Variants in ITGB5 observed in about 807,000 individuals in gnomAD.
The protein encoded by ITGB5 is integrin subunit beta 5.
Under a neutral mutation model 84.8 loss-of-function variants are expected in ITGB5, and 38 were observed. That is an observed-to-expected ratio of 0.45 (90% CI 0.35 to 0.59). The LOEUF (loss-of-function observed/expected upper bound fraction) is 0.59, where lower values mean the gene tolerates loss of function less well. Ranked by LOEUF, ITGB5 falls within the 20% of genes least tolerant of loss-of-function variation. The pLI is 0.01. For missense variants in ITGB5, 905 were observed against 1,034.5 expected (o/e 0.87, Z 1.72); for synonymous variants, 393 against 414.4 (o/e 0.95, Z 0.63).
chr3:124,862,268 G>T (rs1310707750), intron 2 of ITGB5: 1 of 152,508 alleles, frequency 6.6e-6, no homozygotes, highest in Non-Finnish European at 1.5e-5. Context: ...AGCATGGTCA[G>T]TTTTTTCAGA....
rs1268834001 is a variant in ITGB5, at chr3:124,887,194, C to G, written c.-194G>C. On this transcript the variant is annotated 5_prime_UTR_variant, in exon 1 of 15. Coordinates refer to ENST00000296181, the MANE Select transcript of ITGB5 (RefSeq NM_002213.5). The stretch of plus-strand genomic sequence containing the variant: ...CGTCCCGCAGCACTCACGGCCGAGT[C>G]CCGGGACCGCGGCTGCCCTGGCTGG... 6.6e-6 allele frequency: 1 copy of G among 152,608 alleles called. No homozygotes were observed. Among genetic ancestry groups the G allele is most frequent in the Non-Finnish European group, 1.5e-5 (1 of 68,942 alleles). The allele number at this position is 152,608 out of a possible 1,614,324, so 9.5% of individuals were successfully genotyped here.
At chr3:124,880,483 C>T (rs527751673) in intron 1 of ITGB5, among the ~76,000 whole-genome samples, 1 of 152,272 alleles carries the variant, frequency 6.6e-6, no homozygotes, top group South Asian at 2.1e-4. Flanking sequence ...GGCACACTGG[C>T]TCACTTCTGT....
intron 10 of ITGB5, 54 bp downstream of exon 10, chr3:124,796,334 C>T: frequency 6.7e-7 from 1 of 1,494,010 alleles, no homozygotes; most frequent in Non-Finnish European, 9.2e-7. Context: ...GGGAGGGTGT[C>T]CTAACGGCAT....
At chr3:124,784,523 C>T (rs2064052570) in intron 10 of ITGB5, among the ~76,000 whole-genome samples, 1 of 152,188 alleles carries the variant, frequency 6.6e-6, no homozygotes, top group Admixed American at 6.5e-5. Context: ...CAAACAAAAT[C>T]AATGCCGATG....
At chr3:124,868,009 T>C (rs1237462630) in intron 2 of ITGB5, among the ~76,000 whole-genome samples, 6 of 152,120 alleles carry the variant, frequency 3.9e-5, no homozygotes. Flanking sequence ...GCTGTTCTCT[T>C]GATGGTGAGT....
chr3:124,843,620 A>AG (rs1395256795), intron 4 of ITGB5, among the ~76,000 whole-genome samples: 2 of 152,210 alleles, frequency 1.3e-5, no homozygotes, highest in East Asian at 3.8e-4. Context: ...AGAGTCACTT[A>AG]GGAAAAGAGC....
chr3:124,763,629 C>T lies in ITGB5; in HGVS notation c.2394G>A (p.Val798=), dbSNP rs150701217. ...NKFNKSYNGT[V]D ...CCCCTCGGAGAAGGAAACATCAGTC[C>T]ACAGTGCCATTGTAGGATTTGTTGA... is the stretch of plus-strand genomic sequence containing the variant. Residue 798 remains valine (V), a synonymous_variant, in exon 15 of 15, where the codon GTG becomes GTA. Coordinates refer to ENST00000296181, the MANE Select transcript of ITGB5 (RefSeq NM_002213.5). 2.0e-5 allele frequency: 32 copies of T among 1,588,484 alleles called. No individual in the cohort carries two copies. In the South Asian group the frequency reaches 2.2e-4, roughly 11 times the overall value.
chr3:124,835,591 A>G (rs2064923795), intron 5 of ITGB5, among the ~76,000 whole-genome samples: 2 of 152,258 alleles, frequency 1.3e-5, no homozygotes, highest in Admixed American at 6.5e-5. Flanking sequence ...CAGCTCACAC[A>G]TGCTGAGACA....
chr3:124,770,967 GGATTCTCTGTCCCTGCCATCT>G (rs1275934311), intron 11 of ITGB5, among the ~76,000 whole-genome samples: 3 of 148,530 alleles, frequency 2.0e-5, no homozygotes, highest in Non-Finnish European at 3.0e-5. Flanking sequence ...CTCCCGGCCA[GGATTCTCTGTCCCTGCCATCT>G]GATTCTCTGT....
At chr3:124,897,260 T>C (rs368701129) in intron 1 of ITGB5, among the ~76,000 whole-genome samples, 1 of 152,196 alleles carries the variant, frequency 6.6e-6, no homozygotes, top group South Asian at 2.1e-4. Flanking sequence ...TTTGTTGTTA[T>C]TGTTGTTTTG....
At chr3:124,891,799 G>A (rs1225502235), upstream of ITGB5, among the ~76,000 whole-genome samples, 1 of 151,880 alleles carries the variant, frequency 6.6e-6, no homozygotes, top group Non-Finnish European at 1.5e-5. Flanking sequence ...TGGCATGCCT[G>A]TAGTCCCAGC....
intron 1 of ITGB5, among the ~76,000 whole-genome samples, chr3:124,881,049 T>G (rs1193712008): frequency 1.3e-5 from 2 of 151,966 alleles, no homozygotes; most frequent in Non-Finnish European, 2.9e-5. Flanking sequence ...GGTGGTGTGA[T>G]CTCAGCTCAC....
In ITGB5 at chr3:124,821,450, C is replaced by A. The variant is rs2064702843; in HGVS notation, c.805G>T (p.Ala269Ser). The A allele has an allele frequency of 3.7e-6, 6 of 1,614,220 alleles. No individual in the cohort carries two copies. Among genetic ancestry groups the A allele is most frequent in the Non-Finnish European group, 5.1e-6 (6 of 1,180,022 alleles). ...CKEKIGWRKDALHLLVFTTDD... is the reference protein window; with the variant it reads ...CKEKIGWRKDSLHLLVFTTDD... ...GTTGTGAACACCAGCAAATGCAGTG[C>A]ATCCTTTCGCCAGCCAATCTTCTCC... is the stretch of plus-strand genomic sequence containing the variant. Residue 269 changes from alanine (A) to serine (S), a missense_variant, in exon 6 of 15, where the codon GCA becomes TCA. By Grantham distance (99) the Ala-to-Ser change is moderately conservative. Around this residue, in one of 3 missense-constraint regions of ITGB5, gnomAD observed 656 missense variants for 734.7 expected, o/e 0.89. Coordinates refer to ENST00000296181, the MANE Select transcript of ITGB5 (RefSeq NM_002213.5).
At chr3:124,767,052 CT>C (rs1339744279) in intron 12 of ITGB5, among the ~76,000 whole-genome samples, 1 of 152,252 alleles carries the variant, frequency 6.6e-6, no homozygotes, top group Non-Finnish European at 1.5e-5. Flanking sequence ...TCACAGTCCC[CT>C]GTCCAGGCAT....
chr3:124,817,540 C>T, intron 8 of ITGB5, 81 bp downstream of exon 8: 1 of 723,872 alleles, frequency 1.4e-6, no homozygotes, highest in Non-Finnish European at 2.3e-6. Context: ...GAACTGCCCA[C>T]CTGAGCCCGC....
chr3:124,883,011 T>C (rs937604132), intron 1 of ITGB5, among the ~76,000 whole-genome samples: 3 of 152,134 alleles, frequency 2.0e-5, no homozygotes, highest in Admixed American at 6.5e-5. Context: ...TTAATCCCAT[T>C]CGAACCGGAA....
At position 124,810,908 on chromosome 3, in the gene ITGB5, T is replaced by TTTTCTTTCTTTCTTTCTTTCTTTCTTTC. The variant is rs10644920; in HGVS notation, c.1129-1780_1129-1753dup. 9.3e-3 allele frequency among the ~76,000 whole-genome samples: 1,389 copies of TTTTCTTTCTTTCTTTCTTTCTTTCTTTC among 150,042 alleles called. 26 individuals carry two copies. The highest frequency in any genetic ancestry group is 0.021 in the African/African-American group (850 of 40,118). On this transcript the variant is annotated intron_variant, in intron 8 of 14. Coordinates refer to ENST00000296181, the MANE Select transcript of ITGB5 (RefSeq NM_002213.5). ...CAGACTTGCCTCTTGCTCTTGTGGG[T>TTTTCTTTCTTTCTTTCTTTCTTTCTTTC]TTTCTTTCTTTCTTTCTTTCTTTCT... is the stretch of plus-strand genomic sequence containing the variant.
chr3:124,897,327 T>C (rs62267666), intron 1 of ITGB5, among the ~76,000 whole-genome samples: 373 of 152,332 alleles, frequency 2.4e-3, no homozygotes, highest in Non-Finnish European at 4.3e-3. Context: ...GTATGTTGCC[T>C]GAGCTTCTGG....
chr3:124,862,984 A>G (rs1396729971), intron 2 of ITGB5: 2 of 152,206 alleles, frequency 1.3e-5, no homozygotes, highest in Admixed American at 1.3e-4. Context: ...AGGGAGTCCT[A>G]TTCTCAGCAA....
Sources: allele counts gnomAD v4.1 joint callset (sites outside exome capture counted in the v4.1 genomes callset), GRCh38; gene constraint gnomAD v4.1.1; regional missense constraint gnomAD v4.1.1; transcripts MANE v1.5; gene names NCBI Gene and HGNC (gene_info 2026-07-23, HGNC 2026-07-21).